Variants in ELOVL6 observed in about 807,000 individuals in gnomAD.
The protein encoded by ELOVL6 is very long chain fatty acid elongase 6.
In ELOVL6, 8 loss-of-function variants were observed where a neutral mutation model predicts 31.7. That is an observed-to-expected ratio of 0.25 (90% CI 0.15 to 0.45). The LOEUF (loss-of-function observed/expected upper bound fraction) is 0.45. ELOVL6 is among the 20% of genes least tolerant of loss of function. ELOVL6 has a pLI of 1.00. For synonymous variants in ELOVL6, 101 were observed against 117.7 expected, an observed-to-expected ratio of 0.86 and a Z score of 0.92; for missense variants, 126 against 326.4, an observed-to-expected ratio of 0.39 and a Z score of 4.73.
At chr4:110,183,001 G>C (rs147005129) in intron 1 of ELOVL6, among the ~76,000 whole-genome samples, 1 of 152,038 alleles carries the variant, frequency 6.6e-6, no homozygotes, top group South Asian at 2.1e-4. Flanking sequence ...AAAGGGTCTG[G>C]GGAGTCACAC....
chr4:110,114,135 T>C (rs1405971707), intron 1 of ELOVL6, among the ~76,000 whole-genome samples: 1 of 152,156 alleles, frequency 6.6e-6, no homozygotes, highest in Non-Finnish European at 1.5e-5. Context: ...AACTGTACTA[T>C]AATTCTGAAA....
At chr4:110,176,978 G>C (rs897821194) in intron 1 of ELOVL6, among the ~76,000 whole-genome samples, 7 of 152,216 alleles carry the variant, frequency 4.6e-5, no homozygotes, top group African/African-American at 1.7e-4. Context: ...CAGGTGGTCT[G>C]CCTGCCTCGG....
chr4:110,153,376 A>G (rs1269157630), intron 1 of ELOVL6, among the ~76,000 whole-genome samples: 1 of 152,206 alleles, frequency 6.6e-6, no homozygotes, highest in East Asian at 1.9e-4. Context: ...CTACCTACTT[A>G]TCTCTTTTGA....
intron 1 of ELOVL6, among the ~76,000 whole-genome samples, chr4:110,178,759 C>A (rs1034406987): frequency 6.6e-6 from 1 of 152,046 alleles, no homozygotes; most frequent in Non-Finnish European, 1.5e-5. Context: ...GAGCCTGAGG[C>A]TGGAGAATCA....
At position 110,094,431 on chromosome 4, in the gene ELOVL6, ATATATATATAT is replaced by A. The variant is rs1560820640; in HGVS notation, c.221+11055_221+11065del. On this transcript the variant is annotated intron_variant, in intron 2 of 3. Coordinates refer to ENST00000302274, the MANE Select transcript of ELOVL6 (RefSeq NM_024090.3). ...TATATATATATATATATATATATAT[ATATATATATAT>A]AATATATATAACATAATATATATTA... Among the ~76,000 whole-genome samples the A allele has an allele frequency of 6.3e-3, 371 of 59,290 alleles. 28 individuals are homozygous for A. The East Asian group carries it at 0.14, about 23-fold the overall frequency. The allele number at this position is 59,290 out of a possible 152,430, so 38.9% of individuals were successfully genotyped here.
chr4:110,084,204 T>A lies in ELOVL6; in HGVS notation c.221+21293A>T, dbSNP rs1473457934. Among the ~76,000 whole-genome samples the A allele has an allele frequency of 8.7e-5, 6 of 68,872 alleles. 1 individual carries two copies. The highest frequency in any genetic ancestry group is 9.4e-4 in the South Asian group (2 of 2,124). 45.2% of individuals were successfully genotyped at this position (68,872 alleles called of 152,430 possible). ...TATATAACATATAACTTATATGATA[T>A]ATATAACATATAACTTATATGATAT... is the stretch of plus-strand genomic sequence containing the variant. On this transcript the variant is annotated intron_variant, in intron 2 of 3. Transcript: ENST00000302274.
chr4:110,186,225 CAG>C (rs1234958556), intron 1 of ELOVL6, among the ~76,000 whole-genome samples: 2 of 151,806 alleles, frequency 1.3e-5, no homozygotes, highest in Admixed American at 6.6e-5. Context: ...CAAAAACAAA[CAG>C]AAAAAAAATA....
intron 2 of ELOVL6, among the ~76,000 whole-genome samples, chr4:110,093,906 C>T (rs962718560): frequency 4.6e-5 from 7 of 152,148 alleles, no homozygotes; most frequent in African/African-American, 1.7e-4. Flanking sequence ...AAGGTCTCAT[C>T]AAGGCCAAAT....
intron 1 of ELOVL6, among the ~76,000 whole-genome samples, chr4:110,159,952 C>G (rs1228013884): frequency 6.6e-6 from 1 of 152,106 alleles, no homozygotes; most frequent in African/African-American, 2.4e-5. Context: ...TGTGAACTTT[C>G]TATTCATGTC....
At chr4:110,131,677 G>A (rs180810350) in intron 1 of ELOVL6, among the ~76,000 whole-genome samples, 4 of 152,274 alleles carry the variant, frequency 2.6e-5, no homozygotes, top group Admixed American at 2.6e-4. Flanking sequence ...TCCTGTGGGG[G>A]TGAGGAGGGC....
At position 110,048,565 on chromosome 4, in the gene ELOVL6, G is replaced by A. The variant is rs548605725; in HGVS notation, c.*2773C>T. ...GTTAACTGGCAGCAGGATTATCTAT[G>A]CAGCAGTCAATTCTCTGGTAGGTTT... On this transcript the variant is annotated 3_prime_UTR_variant, in exon 4 of 4. Coordinates refer to ENST00000302274, the MANE Select transcript of ELOVL6 (RefSeq NM_024090.3). The A allele has an allele frequency of 1.3e-5, 2 of 152,246 alleles. No homozygotes were observed. The highest frequency in any genetic ancestry group is 1.3e-4 in the Admixed American group (2 of 15,290). The allele number at this position is 152,246 out of a possible 1,614,324, so 9.4% of individuals were successfully genotyped here.
intron 1 of ELOVL6, among the ~76,000 whole-genome samples, chr4:110,164,580 A>T (rs1758716156): frequency 6.6e-6 from 1 of 151,876 alleles, no homozygotes; most frequent in Admixed American, 6.6e-5. Context: ...TCTCTACAAA[A>T]AATAGAAAAA....
At chr4:110,053,304 T>G (rs1754884517) in intron 3 of ELOVL6, among the ~76,000 whole-genome samples, 1 of 152,174 alleles carries the variant, frequency 6.6e-6, no homozygotes. Context: ...TATTCCTACC[T>G]TATCCCTCAT....
chr4:110,197,311 A>G (rs1471396725), intron 1 of ELOVL6, among the ~76,000 whole-genome samples: 2 of 152,220 alleles, frequency 1.3e-5, no homozygotes, highest in Non-Finnish European at 1.5e-5. Context: ...CTCCTCTGTT[A>G]AATATTGCAA....
At chr4:110,079,638 G>A (rs1053423102) in intron 2 of ELOVL6, among the ~76,000 whole-genome samples, 2 of 152,112 alleles carry the variant, frequency 1.3e-5, no homozygotes, top group African/African-American at 4.8e-5. Context: ...AGAGAAAGCA[G>A]AAAAGATCTA....
chr4:110,171,882 G>A (rs1457858271), intron 1 of ELOVL6, among the ~76,000 whole-genome samples: 1 of 151,696 alleles, frequency 6.6e-6, no homozygotes, highest in Non-Finnish European at 1.5e-5. Context: ...TAGAGACAAG[G>A]TCTCACTATA....
intron 1 of ELOVL6, among the ~76,000 whole-genome samples, chr4:110,171,676 CCT>C (rs1758950880): frequency 1.5e-5 from 2 of 131,432 alleles, no homozygotes; most frequent in Non-Finnish European, 3.1e-5. Context: ...TGCATAATAT[CCT>C]CTTTTTTTTT....
chr4:110,048,281 A>T lies in ELOVL6; in HGVS notation c.*3057T>A, dbSNP rs1242986287. The T allele has an allele frequency of 6.6e-6, 1 of 152,216 alleles. No individual in the cohort carries two copies. Among genetic ancestry groups the T allele is most frequent in the African/African-American group, 2.4e-5 (1 of 41,444 alleles). 9.4% of individuals were successfully genotyped at this position (152,216 alleles called of 1,614,324 possible). A position where few individuals can be genotyped will look rare whatever the true frequency, so the allele number is the denominator to read the frequency against. ...CTCTTTTCCCATAAGCAACACTAGA[A>T]GGTCCACGTAAACCCCCTGCTTTAT... On this transcript the variant is annotated 3_prime_UTR_variant, in exon 4 of 4. Transcript: ENST00000302274.
intron 2 of ELOVL6, among the ~76,000 whole-genome samples, chr4:110,071,126 A>C (rs1185478394): frequency 6.6e-6 from 1 of 152,186 alleles, no homozygotes; most frequent in Non-Finnish European, 1.5e-5. Context: ...TCCAGCTCTA[A>C]ACTGTGAACT....
Sources: gnomAD v4.1 joint callset for allele counts (sites outside exome capture counted in the v4.1 genomes callset) on GRCh38, gnomAD v4.1.1 for gene constraint, MANE v1.5 for transcripts, NCBI Gene and HGNC (gene_info 2026-07-23, HGNC 2026-07-21) for gene names.